Variants in FARS2 observed in about 807,000 individuals in gnomAD.
The protein encoded by FARS2 is phenylalanine--tRNA ligase, mitochondrial.
In FARS2, 40 loss-of-function variants were observed where a neutral mutation model predicts 46.4. The observed-to-expected ratio is 0.86, with a 90% CI of 0.67 to 1.12. The LOEUF is 1.12. Among genes scored for constraint, FARS2 ranks in the 50% most tolerant of loss-of-function variants. The pLI, the probability that FARS2 is intolerant of heterozygous loss-of-function variation, is 0.00. For missense variants in FARS2, 513 were observed against 567.9 expected, an observed-to-expected ratio of 0.90 and a Z score of 0.98; for synonymous variants, 234 against 214.9, an observed-to-expected ratio of 1.09 and a Z score of -0.78.
chr6:5,685,291 A>G (rs1757108917), intron 6 of FARS2, among the ~76,000 whole-genome samples: 1 of 152,222 alleles, frequency 6.6e-6, no homozygotes, highest in Non-Finnish European at 1.5e-5. Flanking sequence ...AGGTACAGGA[A>G]CTAAGATCCC....
rs1020523253 is a variant in FARS2 at position 5,311,833 on chromosome 6, A to G, written c.-22+50173A>G. ...AAAAATGAGAGATAAAAAGCCACTC[A>G]CAGATTCCTTTGTTCCACAACTGTA... On this transcript the variant is annotated intron_variant, in intron 1 of 6. Coordinates refer to ENST00000274680, the MANE Select transcript of FARS2 (RefSeq NM_006567.5). This position sits in a 1 kb window ranked among gnomAD's most constrained non-coding sequence, Gnocchi z 4.1. Among the ~76,000 whole-genome samples, 7 of 152,198 alleles carry G rather than the reference A, an allele frequency of 4.6e-5. No homozygotes were observed. Among genetic ancestry groups the G allele is most frequent in the Non-Finnish European group, 1.0e-4 (7 of 68,040 alleles).
chr6:5,732,187 C>A (rs1015194711), intron 6 of FARS2, among the ~76,000 whole-genome samples: 3 of 152,170 alleles, frequency 2.0e-5, no homozygotes, highest in Non-Finnish European at 4.4e-5. Flanking sequence ...GCTGGGGACA[C>A]AAAAGTGAAT....
intron 6 of FARS2, among the ~76,000 whole-genome samples, chr6:5,635,690 G>T (rs1268170462): frequency 6.6e-6 from 1 of 152,166 alleles, no homozygotes; most frequent in African/African-American, 2.4e-5. Flanking sequence ...GCAGGGTGGC[G>T]TTGGATGAGA....
intron 4 of FARS2, among the ~76,000 whole-genome samples, chr6:5,451,306 A>T (rs1365064097): frequency 2.6e-5 from 4 of 152,154 alleles, no homozygotes; most frequent in Admixed American, 6.5e-5. Context: ...TGAAGGAATT[A>T]ATCTAGCCTT....
chr6:5,389,002 T>C (rs1760316203), intron 2 of FARS2, among the ~76,000 whole-genome samples: 1 of 152,206 alleles, frequency 6.6e-6, no homozygotes, highest in Non-Finnish European at 1.5e-5. Context: ...CTCCGTCATA[T>C]CTGTTTATTG....
intron 4 of FARS2, among the ~76,000 whole-genome samples, chr6:5,498,861 A>G (rs187988703): frequency 6.6e-6 from 1 of 152,348 alleles, no homozygotes; most frequent in Admixed American, 6.5e-5. Flanking sequence ...GATGCTAGAA[A>G]TTGAAACAAG....
chr6:5,350,094 G>T (rs1376679292), intron 1 of FARS2, among the ~76,000 whole-genome samples: 1 of 151,524 alleles, frequency 6.6e-6, no homozygotes, highest in Admixed American at 6.6e-5. Flanking sequence ...ATTCCCTTTG[G>T]AATCAGCAAG....
At chr6:5,634,147 C>G (rs1014206808) in intron 6 of FARS2, among the ~76,000 whole-genome samples, 1 of 151,946 alleles carries the variant, frequency 6.6e-6, no homozygotes, top group East Asian at 1.9e-4. Flanking sequence ...TTTTCTAGTT[C>G]CATCTGGAAT....
the FARS2 span, among the ~76,000 whole-genome samples, chr6:5,253,091 C>T: frequency 6.6e-6 from 1 of 152,140 alleles, no homozygotes; most frequent in Non-Finnish European, 1.5e-5. Flanking sequence ...TAATAGGAGG[C>T]TCATTTTGAT....
At chr6:5,525,458 C>A (rs1271601012) in intron 4 of FARS2, among the ~76,000 whole-genome samples, 1 of 152,156 alleles carries the variant, frequency 6.6e-6, no homozygotes. Context: ...TTGCACACAG[C>A]TGAGAGGCTC....
intron 1 of FARS2, among the ~76,000 whole-genome samples, chr6:5,286,623 A>G (rs1767131915): frequency 6.6e-6 from 1 of 152,224 alleles, no homozygotes; most frequent in South Asian, 2.1e-4. Context: ...CTCTGTATGT[A>G]GAAATAAATT....
rs372622393 is a variant in FARS2 at position 5,670,864 on chromosome 6, C to T, written c.1217+57544C>T. 4.6e-5 allele frequency among the ~76,000 whole-genome samples: 7 copies of T among 152,260 alleles called. No individual in the cohort carries two copies. The South Asian group carries it at 1.5e-3, about 32-fold the overall frequency. On this transcript the variant is annotated intron_variant, in intron 6 of 6. Coordinates refer to ENST00000274680, the MANE Select transcript of FARS2 (RefSeq NM_006567.5). ...GTGTAAAGTTTCAACCGGGGCTCTT[C>T]ATAATTATTACGAATTCTTAAGACT...
intron 6 of FARS2, among the ~76,000 whole-genome samples, chr6:5,678,623 T>C (rs1385430324): frequency 6.6e-6 from 1 of 152,176 alleles, no homozygotes; most frequent in Non-Finnish European, 1.5e-5. Flanking sequence ...ATAGCCATCC[T>C]TTGTAATACG....
At chr6:5,259,075 G>C (rs1764814157), upstream of FARS2, among the ~76,000 whole-genome samples, 1 of 141,896 alleles carries the variant, frequency 7.0e-6, no homozygotes, top group Non-Finnish European at 1.5e-5. Context: ...GAGATTGAGA[G>C]ACTTGTCCAA....
At position 5,284,922 on chromosome 6, in the gene FARS2, A is replaced by G. The variant is rs1290031238; in HGVS notation, c.-22+23262A>G. On this transcript the variant is annotated intron_variant, in intron 1 of 6. Coordinates refer to ENST00000274680, the MANE Select transcript of FARS2 (RefSeq NM_006567.5). ...AACATGTTCATCTGCATGGCCTGCC[A>G]TCACCTGGAACTCAATGTGTCTGAA... Among the ~76,000 whole-genome samples the G allele has an allele frequency of 1.7e-4, 26 of 152,160 alleles. 1 individual carries two copies. Among genetic ancestry groups the G allele is most frequent in the Admixed American group, 1.7e-3 (26 of 15,274 alleles).
intron 6 of FARS2, among the ~76,000 whole-genome samples, chr6:5,704,458 A>G (rs1183701686): frequency 2.0e-5 from 3 of 152,338 alleles, no homozygotes; most frequent in South Asian, 4.1e-4. Flanking sequence ...ATGATAAAGT[A>G]TATTGCCCAT....
At chr6:5,715,510 C>T (rs1759442379) in intron 6 of FARS2, among the ~76,000 whole-genome samples, 1 of 152,164 alleles carries the variant, frequency 6.6e-6, no homozygotes, top group Non-Finnish European at 1.5e-5. Context: ...CAGGAAACCC[C>T]TGATCTACTT....
chr6:5,511,654 A>C (rs556233766), intron 4 of FARS2, among the ~76,000 whole-genome samples: 5 of 152,310 alleles, frequency 3.3e-5, no homozygotes, highest in African/African-American at 1.2e-4. Flanking sequence ...ATGTATTAGG[A>C]GGGCTATTGG....
chr6:5,360,535 G>A (rs985208805), intron 1 of FARS2, among the ~76,000 whole-genome samples: 2 of 152,108 alleles, frequency 1.3e-5, no homozygotes, highest in Non-Finnish European at 2.9e-5. Flanking sequence ...AGGTTTGCCC[G>A]GTGCAGAGTT....
Sources: allele counts gnomAD v4.1 joint callset (sites outside exome capture counted in the v4.1 genomes callset), GRCh38; gene constraint gnomAD v4.1.1; non-coding constraint Gnocchi (gnomAD v3.1); transcripts MANE v1.5; gene names NCBI Gene and HGNC (gene_info 2026-07-23, HGNC 2026-07-21).